The following SERPINE2 variants were observed in gnomAD, a reference collection of about 807,000 sequenced individuals.
SERPINE2 encodes serpin family E member 2.
A neutral mutation model predicts 36.3 loss-of-function variants in SERPINE2; 14 were observed. That is an observed-to-expected ratio of 0.39 (90% confidence interval 0.25 to 0.60). The LOEUF (loss-of-function observed/expected upper bound fraction) is 0.60. Ranked by LOEUF, SERPINE2 falls within the 20% of genes least tolerant of loss-of-function variation. The probability of loss-of-function intolerance (pLI) is 0.57; values close to 1 mark genes in which losing one functional copy is unlikely to be tolerated. For missense variants in SERPINE2, 418 were observed against 499.6 expected (o/e 0.84, Z 1.56); for synonymous variants, 192 against 191.8 (o/e 1.00, Z -0.01).
chr2:223,998,207 T>C lies in SERPINE2; in HGVS notation c.395A>G (p.Asp132Gly). The change falls in exon 3 of 9, where the codon GAT (aspartate) becomes GGT (glycine). Residue 132 changes from aspartate (D) to glycine (G), a missense_variant. By Grantham distance (94) the Asp-to-Gly change is moderately conservative (BLOSUM62 -1). Coordinates refer to ENST00000409304, the MANE Select transcript of SERPINE2 (RefSeq NM_001136528.2). ...IEVPFVTRNK[D>G]VFQCEVRNVN... The stretch of plus-strand genomic sequence containing the variant: ...ATTCCGGACCTCACACTGGAACACA[T>C]CTTTGTTCCTTGTAACAAAAGGCAC... The C allele has an allele frequency of 1.9e-6, 3 of 1,614,034 alleles. No homozygotes were observed. Among genetic ancestry groups the C allele is most frequent in the Non-Finnish European group, 2.5e-6 (3 of 1,179,852 alleles).
At chr2:223,992,456 C>T (rs1422820299) in intron 3 of SERPINE2, among the ~76,000 whole-genome samples, 1 of 150,350 alleles carries the variant, frequency 6.7e-6, no homozygotes, top group Non-Finnish European at 1.5e-5. Context: ...TTAATTCAAT[C>T]CCAGTCAAAA....
rs1365296768 is a variant in SERPINE2 at position 223,998,205 on chromosome 2, CAT to C, written c.395_396del (p.Asp132GlyfsTer5). On this transcript the variant is annotated frameshift_variant, in exon 3 of 9. Transcript: ENST00000409304. LOFTEE classifies it high-confidence loss of function. The stretch of plus-strand genomic sequence containing the variant: ...ACATTCCGGACCTCACACTGGAACA[CAT>C]CTTTGTTCCTTGTAACAAAAGGCAC... ...IEVPFVTRNK[D>X]VFQCEVRNVN... The C allele has an allele frequency of 1.9e-6, 3 of 1,614,054 alleles. No individual in the cohort carries two copies. Among genetic ancestry groups the C allele is most frequent in the Non-Finnish European group, 2.5e-6 (3 of 1,179,882 alleles).
intron 3 of SERPINE2, among the ~76,000 whole-genome samples, 169 bp from the exon 4 acceptor site, chr2:223,992,169 C>T (rs965302307): frequency 2.0e-5 from 3 of 152,100 alleles, no homozygotes; most frequent in Admixed American, 6.5e-5. Flanking sequence ...TCCCCTCCCC[C>T]ACTAAATATT....
intron 1 of SERPINE2, among the ~76,000 whole-genome samples, chr2:224,008,027 G>A (rs1249145848): frequency 6.6e-6 from 1 of 152,192 alleles, no homozygotes; most frequent in Non-Finnish European, 1.5e-5. Flanking sequence ...CAAGAGAGAC[G>A]GTATAGCCTG....
chr2:224,001,610 G>T (rs750677138), intron 2 of SERPINE2, 32 bp downstream of exon 2: 1 of 1,593,724 alleles, frequency 6.3e-7, no homozygotes, highest in Non-Finnish European at 8.6e-7. Flanking sequence ...CTCAGGCAAA[G>T]GCTCCGCCAG....
intron 2 of SERPINE2, among the ~76,000 whole-genome samples, chr2:224,001,109 A>T (rs1468032177): frequency 6.6e-6 from 1 of 152,138 alleles, no homozygotes; most frequent in Non-Finnish European, 1.5e-5. Context: ...CACAGGGTGC[A>T]TTCAGATTTC....
At chr2:224,000,317 C>T (rs1031499588) in intron 2 of SERPINE2, among the ~76,000 whole-genome samples, 4 of 152,144 alleles carry the variant, frequency 2.6e-5, no homozygotes, top group Admixed American at 6.5e-5. Flanking sequence ...CTCCCCTGAG[C>T]ACTGCATTTA....
chr2:224,031,417 G>A (rs1486834015), intron 1 of SERPINE2: 3 of 985,520 alleles, frequency 3.0e-6, no homozygotes, highest in East Asian at 1.1e-4. Flanking sequence ...CAGAAAGAAA[G>A]GCAGCTGGGG....
intron 7 of SERPINE2, 140 bp downstream of exon 7, chr2:223,980,171 C>G (rs1690167770): frequency 1.5e-6 from 1 of 659,954 alleles, no homozygotes; most frequent in Non-Finnish European, 2.7e-6. Context: ...TCTGTACTCA[C>G]TGCTGTCTCC....
intron 1 of SERPINE2, among the ~76,000 whole-genome samples, chr2:224,008,676 ATCAGC>A (rs912139724): frequency 1.2e-4 from 18 of 152,158 alleles, no homozygotes; most frequent in Admixed American, 3.3e-4. Flanking sequence ...TCCAGATGGA[ATCAGC>A]CACTTCTCCA....
intron 8 of SERPINE2, among the ~76,000 whole-genome samples, chr2:223,976,730 G>A (rs746972282): frequency 2.0e-5 from 3 of 152,210 alleles, no homozygotes; most frequent in Admixed American, 1.3e-4. Flanking sequence ...TCATTTTAAA[G>A]ATGAGGCTTA....
intron 1 of SERPINE2, among the ~76,000 whole-genome samples, chr2:224,011,690 G>A (rs998058361): frequency 3.2e-4 from 48 of 152,144 alleles, no homozygotes; most frequent in African/African-American, 8.9e-4. Context: ...TCCCTAGTAC[G>A]CATAAATAAT....
intron 1 of SERPINE2, chr2:224,038,712 G>A: frequency 6.6e-6 from 4 of 605,238 alleles, no homozygotes; most frequent in Non-Finnish European, 1.2e-5. Flanking sequence ...TTGCCGGCGA[G>A]CAGCTGGAAA....
rs749108566 is a variant in SERPINE2, at chr2:224,031,430, C to G, written c.-23+7669G>C. ...AACAGAAAGAAAGGCAGCTGGGGAA[C>G]GCCAGGCAGCACGGTCCTCTCCACT... On this transcript the variant is annotated intron_variant, in intron 1 of 8. Coordinates refer to ENST00000409304, the MANE Select transcript of SERPINE2 (RefSeq NM_001136528.2). 23 of 985,442 alleles carry G rather than the reference C, an allele frequency of 2.3e-5. No individual in the cohort carries two copies. The African/African-American group carries it at 3.7e-4, about 16-fold the overall frequency. The allele number at this position is 985,442 out of a possible 1,614,324, so 61.0% of individuals were successfully genotyped here.
chr2:224,031,763 C>CA (rs1692387270), intron 1 of SERPINE2, among the ~76,000 whole-genome samples: 1 of 148,880 alleles, frequency 6.7e-6, no homozygotes, highest in Non-Finnish European at 1.5e-5. Flanking sequence ...CCCCCCACCC[C>CA]CCCCGCCGGC....
chr2:224,014,100 C>A (rs1354898327), intron 1 of SERPINE2, among the ~76,000 whole-genome samples: 3 of 152,132 alleles, frequency 2.0e-5, no homozygotes, highest in Non-Finnish European at 2.9e-5. Flanking sequence ...AGTGGCCATG[C>A]GAGGTGGCTC....
intron 1 of SERPINE2, among the ~76,000 whole-genome samples, chr2:224,002,252 C>T (rs553319508): frequency 6.6e-6 from 1 of 152,036 alleles, no homozygotes; most frequent in South Asian, 2.1e-4. Context: ...GCTGGGATTA[C>T]AGGTGTGAGC....
At chr2:223,980,912 G>A (rs1312894740) in intron 6 of SERPINE2, 1 of 153,754 alleles carries the variant, frequency 6.5e-6, no homozygotes, top group Non-Finnish European at 1.4e-5. Context: ...TCATGGGCAT[G>A]CTAGTAAGAG....
At chr2:224,001,603 A>C in intron 2 of SERPINE2, 39 bp downstream of exon 2, 2 of 1,585,342 alleles carry the variant, frequency 1.3e-6, no homozygotes, top group Non-Finnish European at 1.7e-6. Context: ...CAAGACTCTC[A>C]GGCAAAGGCT....
Sources: allele counts gnomAD v4.1 joint callset (sites outside exome capture counted in the v4.1 genomes callset), GRCh38; gene constraint gnomAD v4.1.1; transcripts MANE v1.5; gene names NCBI Gene and HGNC (gene_info 2026-07-23, HGNC 2026-07-21).